Variants in SATB2 observed in about 807,000 individuals in gnomAD.
SATB2 encodes the protein DNA-binding protein SATB2.
A neutral mutation model predicts 73.4 loss-of-function variants in SATB2; 1 was observed. The ratio of observed to expected loss-of-function variants is 0.01; its 90% CI spans 0.00 to 0.06. The LOEUF (loss-of-function observed/expected upper bound fraction) is 0.06, where lower values mean the gene tolerates loss of function less well. SATB2 is among the 10% of genes least tolerant of loss of function. SATB2 has a pLI of 1.00. For missense variants in SATB2, 459 were observed against 945.8 expected (o/e 0.49, Z 6.75); for synonymous variants, 397 against 367.0 (o/e 1.08, Z -0.93).
At chr2:199,391,793 C>T (rs2105882028) in intron 3 of SATB2, among the ~76,000 whole-genome samples, 1 of 152,128 alleles carries the variant, frequency 6.6e-6, no homozygotes, top group Admixed American at 6.5e-5. Flanking sequence ...ATGACAATGG[C>T]CTATTTGAGC....
chr2:199,344,271 C>G (rs568657514), intron 7 of SATB2, among the ~76,000 whole-genome samples: 97 of 152,232 alleles, frequency 6.4e-4, no homozygotes, highest in Non-Finnish European at 1.2e-3. Flanking sequence ...CACACACACA[C>G]AGAGACAGAG....
chr2:199,382,878 C>T (rs987502977), intron 3 of SATB2, among the ~76,000 whole-genome samples: 7 of 152,074 alleles, frequency 4.6e-5, no homozygotes, highest in Non-Finnish European at 1.0e-4. Flanking sequence ...AGTCCAACTA[C>T]ACTGTTCTTT....
intron 3 of SATB2, among the ~76,000 whole-genome samples, chr2:199,430,532 A>G (rs943766932): frequency 3.3e-5 from 5 of 152,174 alleles, no homozygotes; most frequent in Admixed American, 6.5e-5. Flanking sequence ...CTAGAAACAC[A>G]GTTACCATGG....
At chr2:199,407,272 C>CA (rs1204869014) in intron 3 of SATB2, among the ~76,000 whole-genome samples, 4 of 99,824 alleles carry the variant, frequency 4.0e-5, no homozygotes, top group Non-Finnish European at 5.5e-5. Context: ...GGTGACAGAG[C>CA]AAGACTCTTG....
upstream of SATB2, among the ~76,000 whole-genome samples, chr2:199,469,240 C>T (rs1273291565): frequency 1.3e-5 from 2 of 152,164 alleles, no homozygotes; most frequent in Non-Finnish European, 2.9e-5. Context: ...GCCTGGCCGT[C>T]GTCACCGAGC....
At chr2:199,299,119 C>T (rs1687206875) in intron 10 of SATB2, among the ~76,000 whole-genome samples, 1 of 152,154 alleles carries the variant, frequency 6.6e-6, no homozygotes. Flanking sequence ...TTGGAGAAGT[C>T]ATTCTGGCTG....
At chr2:199,306,100 T>A (rs1471977143) in intron 10 of SATB2, among the ~76,000 whole-genome samples, 1 of 152,152 alleles carries the variant, frequency 6.6e-6, no homozygotes, top group East Asian at 1.9e-4. Context: ...AAGGCCCAAG[T>A]GAATTCCAAC....
chr2:199,445,694 T>C (rs543445245), intron 2 of SATB2, among the ~76,000 whole-genome samples: 1 of 152,316 alleles, frequency 6.6e-6, no homozygotes, highest in Admixed American at 6.5e-5. Flanking sequence ...TGACTTTACC[T>C]GGTTATTAAA....
chr2:199,344,277 C>A (rs1410109236), intron 7 of SATB2, among the ~76,000 whole-genome samples: 3 of 152,038 alleles, frequency 2.0e-5, no homozygotes, highest in Admixed American at 6.6e-5. Flanking sequence ...CACACAGAGA[C>A]AGAGAACTGC....
intron 7 of SATB2, among the ~76,000 whole-genome samples, chr2:199,332,208 G>C (rs1688209109): frequency 6.6e-6 from 1 of 152,018 alleles, no homozygotes; most frequent in Admixed American, 6.6e-5. Flanking sequence ...CCTCCTCGTA[G>C]GCAACAGAAC....
chr2:199,432,197 G>A (rs1331622935), intron 3 of SATB2, among the ~76,000 whole-genome samples: 3 of 152,182 alleles, frequency 2.0e-5, no homozygotes, highest in African/African-American at 7.2e-5. Context: ...CCTGCCCTGG[G>A]AAAACATTCC....
chr2:199,316,887 C>T (rs762882449), intron 9 of SATB2, among the ~76,000 whole-genome samples: 7 of 151,986 alleles, frequency 4.6e-5, no homozygotes, highest in Admixed American at 1.3e-4. Flanking sequence ...TTCACTTCAA[C>T]GGCAGAAAGA....
At chr2:199,361,666 T>C (rs967472609) in intron 6 of SATB2, among the ~76,000 whole-genome samples, 1 of 152,058 alleles carries the variant, frequency 6.6e-6, no homozygotes, top group Admixed American at 6.6e-5. Flanking sequence ...AACTGGGCTT[T>C]CAAAGACCCC....
At chr2:199,300,662 A>T (rs1430067253) in intron 10 of SATB2, among the ~76,000 whole-genome samples, 1 of 152,154 alleles carries the variant, frequency 6.6e-6, no homozygotes, top group Non-Finnish European at 1.5e-5. Context: ...GCATTGGACA[A>T]AGTGCCTTCT....
chr2:199,285,863 T>C (rs1305010973), intron 10 of SATB2, among the ~76,000 whole-genome samples: 1 of 141,884 alleles, frequency 7.0e-6, no homozygotes, highest in Non-Finnish European at 1.5e-5. Context: ...TTCAATTTCA[T>C]CCAGCCTTAG....
intron 7 of SATB2, 104 bp downstream of exon 7, chr2:199,348,597 T>C (rs766441451): frequency 2.3e-6 from 2 of 887,056 alleles, no homozygotes; most frequent in East Asian, 5.1e-5. Flanking sequence ...TAATTCTATG[T>C]CCTGAGATCC....
chr2:199,403,636 G>A (rs944342445), intron 3 of SATB2, among the ~76,000 whole-genome samples: 6 of 152,120 alleles, frequency 3.9e-5, no homozygotes, highest in African/African-American at 1.4e-4. Context: ...ATGCAAAAAG[G>A]AAGCTATTTG....
intron 6 of SATB2, among the ~76,000 whole-genome samples, chr2:199,367,919 A>C (rs753862158): frequency 2.0e-5 from 3 of 152,116 alleles, no homozygotes; most frequent in Non-Finnish European, 1.5e-5. Context: ...AGGCCCAAAC[A>C]TAATTCTACA....
At chr2:199,336,072 GT>G (rs1259129136) in intron 7 of SATB2, among the ~76,000 whole-genome samples, 1 of 152,028 alleles carries the variant, frequency 6.6e-6, no homozygotes, top group African/African-American at 2.4e-5. Context: ...CAACTTTAAT[GT>G]TTTTTGTTTG....
Sources: allele counts gnomAD v4.1 joint callset (sites outside exome capture counted in the v4.1 genomes callset), GRCh38; gene constraint gnomAD v4.1.1; transcripts MANE v1.5; gene names NCBI Gene and HGNC (gene_info 2026-07-23, HGNC 2026-07-21).